Variants in MEGF8 observed in about 807,000 individuals in gnomAD.
The protein encoded by MEGF8 is multiple epidermal growth factor-like domains protein 8.
MEGF8 carries 156 observed loss-of-function variants against 302.9 expected under a neutral mutation model. That is an observed-to-expected ratio of 0.52 (90% CI 0.45 to 0.59). The LOEUF (loss-of-function observed/expected upper bound fraction) is 0.59. Ranked by LOEUF, MEGF8 falls within the 20% of genes least tolerant of loss-of-function variation. The pLI is 0.00. For synonymous variants in MEGF8, 1,621 were observed against 1,660.5 expected (o/e 0.98, Z 0.58); for missense variants, 3,345 against 3,964.5 (o/e 0.84, Z 4.20).
Position 42,370,364 on chromosome 19 carries a change from AAG to A in MEGF8, c.7005+10_7005+11del. 6.4e-7 allele frequency: 1 copy of A among 1,563,782 alleles called. No individual in the cohort carries two copies. Among genetic ancestry groups the A allele is most frequent in the Non-Finnish European group, 8.7e-7 (1 of 1,154,278 alleles). On this transcript the variant is annotated splice_donor_region_variant and intron_variant, in intron 39 of 41. Coordinates refer to ENST00000251268, the MANE Select transcript of MEGF8 (RefSeq NM_001271938.2). ...TACTCACTGGACCCAGAGGAGGTGAAAGAGAGGGGTCAGATGCCTGGGTCTGA... is the reference window on the plus strand; with the variant it reads ...TACTCACTGGACCCAGAGGAGGTGAAAGAGGGGTCAGATGCCTGGGTCTGA...
Position 42,369,133 on chromosome 19 carries a change from G to C in MEGF8, c.6641+131G>C, listed in dbSNP as rs1242145871. ...CTCGAGGCATGAAGGCAGTGGGATT[G>C]ATTCCTGAAGGTCAAGAGTGGTGAG... On this transcript the variant is annotated intron_variant, in intron 37 of 41. Transcript: ENST00000251268. The surrounding 1 kb of genome is among the most constrained non-coding windows in gnomAD (Gnocchi z 5.7). The C allele has an allele frequency of 5.7e-6, 7 of 1,226,354 alleles. No homozygotes were observed. In the African/African-American group the frequency reaches 1.1e-4, roughly 19 times the overall value. The allele number at this position is 1,226,354 out of a possible 1,614,324, so 76.0% of individuals were successfully genotyped here. A position where few individuals can be genotyped will look rare whatever the true frequency, so the allele number is the denominator to read the frequency against.
chr19:42,341,567 G>A (rs1000323476), intron 8 of MEGF8, among the ~76,000 whole-genome samples: 3 of 151,764 alleles, frequency 2.0e-5, no homozygotes, highest in African/African-American at 7.3e-5. Context: ...CTCCCAAATA[G>A]CTGTGACCAT....
At chr19:42,330,515 G>A (rs1466140590) in intron 1 of MEGF8, among the ~76,000 whole-genome samples, 1 of 152,218 alleles carries the variant, frequency 6.6e-6, no homozygotes, top group Non-Finnish European at 1.5e-5. Context: ...ATTCCCCAAA[G>A]CATGGGTGGG....
chr19:42,343,699 G>A, intron 9 of MEGF8, 68 bp downstream of exon 9: 3 of 1,496,800 alleles, frequency 2.0e-6, no homozygotes, highest in Middle Eastern at 2.3e-4. Context: ...ACAGGTGAGG[G>A]GAAAGGCAGG....
At chr19:42,329,774 A>T (rs1025151485) in intron 1 of MEGF8, among the ~76,000 whole-genome samples, 1 of 150,554 alleles carries the variant, frequency 6.6e-6, no homozygotes, top group South Asian at 2.1e-4. Flanking sequence ...GGCGAGGCTG[A>T]GGTGGGCAGA....
At chr19:42,373,240 G>A (rs851294) in intron 41 of MEGF8, among the ~76,000 whole-genome samples, 13,759 of 151,074 alleles carry the variant, frequency 0.091, 838 homozygotes, top group South Asian at 0.16. Context: ...CTACAGGCAC[G>A]TACCACCACC....
At position 42,371,517 on chromosome 19, in the gene MEGF8, C is replaced by T. The variant is rs761088596; in HGVS notation, c.7269+35C>T. 11 of 1,612,760 alleles carry T rather than the reference C, an allele frequency of 6.8e-6. No individual in the cohort carries two copies. The Admixed American group carries it at 1.2e-4, about 17-fold the overall frequency. On this transcript the variant is annotated intron_variant, in intron 41 of 41. Transcript: ENST00000251268. ...CAGAAGCTAGTGGTGGGCCGAGGGC[C>T]CTACACCTTGTGGAGGTCAGGGCTG...
chr19:42,334,081 C>G lies in MEGF8; in HGVS notation c.426C>G (p.Cys142Trp). Residue 142 changes from cysteine to tryptophan, a missense_variant, in exon 3 of 42, where the codon TGC (cysteine) becomes TGG (tryptophan). By Grantham distance (215) the Cys-to-Trp change is radical. Coordinates refer to ENST00000251268, the MANE Select transcript of MEGF8 (RefSeq NM_001271938.2). Reference sequence around the variant, plus strand: ...ACGCCTCATTCCGCTTCTCCCTGTGCCCGGGTGGCTGCCAGAGCCACGGGC... The same window carrying G: ...ACGCCTCATTCCGCTTCTCCCTGTGGCCGGGTGGCTGCCAGAGCCACGGGC... ...GFNASFRFSLCPGGCQSHGQC... is the reference protein window; with the variant it reads ...GFNASFRFSLWPGGCQSHGQC... The G allele has an allele frequency of 6.2e-7, 1 of 1,613,672 alleles. No individual in the cohort carries two copies. Among genetic ancestry groups the G allele is most frequent in the Non-Finnish European group, 8.5e-7 (1 of 1,179,836 alleles).
At position 42,376,967 on chromosome 19, in the gene MEGF8, G is replaced by A; in HGVS notation, c.*192G>A. ...ATTTATCGAGTACCTACTCTGTCAG[G>A]CACTGTCATAGGCGTGGGGCAAAGC... is the stretch of plus-strand genomic sequence containing the variant. On this transcript the variant is annotated 3_prime_UTR_variant, in exon 42 of 42. Coordinates refer to ENST00000251268, the MANE Select transcript of MEGF8 (RefSeq NM_001271938.2). The surrounding 1 kb of genome is among the most constrained non-coding windows in gnomAD (Gnocchi z 8.2). 1 of 563,112 alleles carries A rather than the reference G, an allele frequency of 1.8e-6. No homozygotes were observed. Among genetic ancestry groups the A allele is most frequent in the Non-Finnish European group, 2.8e-6 (1 of 352,026 alleles). The allele number at this position is 563,112 out of a possible 1,614,324, so 34.9% of individuals were successfully genotyped here.
chr19:42,347,614 T>C (rs964630441), intron 12 of MEGF8, among the ~76,000 whole-genome samples: 1 of 152,084 alleles, frequency 6.6e-6, no homozygotes, highest in African/African-American at 2.4e-5. Context: ...TGCCTCAGGC[T>C]CCCAAGTAGC....
chr19:42,369,480 A>G lies in MEGF8; in HGVS notation c.6642-51A>G. 6.4e-7 allele frequency: 1 copy of G among 1,562,600 alleles called. No individual in the cohort carries two copies. The highest frequency in any genetic ancestry group is 8.7e-7 in the Non-Finnish European group (1 of 1,155,170). ...GTAGTTGGTTGGGTGCTAGGCCATG[A>G]AGCCACGAGGAGGGTGGCCACCTGC... On this transcript the variant is annotated intron_variant, in intron 37 of 41. Transcript: ENST00000251268. This position sits in a 1 kb window ranked among gnomAD's most constrained non-coding sequence, Gnocchi z 5.7.
chr19:42,358,738 G>C lies in MEGF8; in HGVS notation c.5176-49G>C. Reference sequence around the variant, plus strand: ...CCGTCTTGGAGGCAGGGGGCTAGAAGCAAGAGACTCGAGGAGCCTCAACCC... The same window carrying C: ...CCGTCTTGGAGGCAGGGGGCTAGAACCAAGAGACTCGAGGAGCCTCAACCC... On this transcript the variant is annotated intron_variant, in intron 29 of 41. Transcript: ENST00000251268. This position sits in a 1 kb window ranked among gnomAD's most constrained non-coding sequence, Gnocchi z 4.4. The C allele has an allele frequency of 1.4e-6, 2 of 1,468,878 alleles. No homozygotes were observed. The highest frequency in any genetic ancestry group is 1.8e-6 in the Non-Finnish European group (2 of 1,109,296). The allele number at this position is 1,468,878 out of a possible 1,614,324, so 91.0% of individuals were successfully genotyped here. A position where few individuals can be genotyped will look rare whatever the true frequency, so the allele number is the denominator to read the frequency against.
In MEGF8 at chr19:42,354,549, C is replaced by A; in HGVS notation, c.4012-39C>A. 1 of 1,587,958 alleles carries A rather than the reference C, an allele frequency of 6.3e-7. No homozygotes were observed. The highest frequency in any genetic ancestry group is 8.6e-7 in the Non-Finnish European group (1 of 1,162,886). On this transcript the variant is annotated intron_variant, in intron 22 of 41. Transcript: ENST00000251268. This position sits in a 1 kb window ranked among gnomAD's most constrained non-coding sequence, Gnocchi z 4.3. Reference sequence around the variant, plus strand: ...CCCAGACCCCAGGTGTCGTTCTCATCCTCATTGTCTCCTAATCCTCGATTC... The same window carrying A: ...CCCAGACCCCAGGTGTCGTTCTCATACTCATTGTCTCCTAATCCTCGATTC...
At position 42,375,221 on chromosome 19, in the gene MEGF8, C is replaced by T. The variant is rs943032805; in HGVS notation, c.7270-286C>T. Among the ~76,000 whole-genome samples, 4 of 152,190 alleles carry T rather than the reference C, an allele frequency of 2.6e-5. No homozygotes were observed. The highest frequency in any genetic ancestry group is 4.1e-4 in the South Asian group (2 of 4,832). ...AGGAGGTAGAGCCAGAATGCAGCCG[C>T]GTTCTTCACTGCTGTGCCTCAGAGT... On this transcript the variant is annotated intron_variant, in intron 41 of 41. Transcript: ENST00000251268. This position sits in a 1 kb window ranked among gnomAD's most constrained non-coding sequence, Gnocchi z 7.1.
In MEGF8 at chr19:42,353,010, C is replaced by T. The variant is rs115335139; in HGVS notation, c.3433C>T (p.Leu1145=). The change falls in exon 20 of 42, where the codon CTG becomes TTG. Residue 1145 remains leucine, a synonymous_variant. Transcript: ENST00000251268. The surrounding 1 kb of genome is among the most constrained non-coding windows in gnomAD (Gnocchi z 6.1). ...CVCDLGWTSD[L]PPPTPAPGPP... Reference sequence around the variant, plus strand: ...GTGTGACCTAGGCTGGACATCAGACCTGCCCCCTCCCACACCCGCCCCGGG... The same window carrying T: ...GTGTGACCTAGGCTGGACATCAGACTTGCCCCCTCCCACACCCGCCCCGGG... 2.3e-3 allele frequency: 3,686 copies of T among 1,572,338 alleles called. 72 individuals carry two copies. The African/African-American group carries it at 0.043, about 18-fold the overall frequency.
In MEGF8 at chr19:42,344,663, T is replaced by C. The variant is rs1206044; in HGVS notation, c.1934-7T>C. ...GACCCACCGGCCCCCACCCCCTGTC[T>C]TCTCAGAGCAGGCCCGCTGCCGAGG... On this transcript the variant is annotated splice_region_variant and splice_polypyrimidine_tract_variant and intron_variant, in intron 11 of 41. Coordinates refer to ENST00000251268, the MANE Select transcript of MEGF8 (RefSeq NM_001271938.2). This position sits in a 1 kb window ranked among gnomAD's most constrained non-coding sequence, Gnocchi z 4.5. 0.065 allele frequency: 101,453 copies of C among 1,564,186 alleles called. 4,412 individuals carry two copies. Among genetic ancestry groups the C allele is most frequent in the Middle Eastern group, 0.18 (1,016 of 5,606 alleles).
chr19:42,334,035 A>T lies in MEGF8; in HGVS notation c.380A>T (p.Asn127Ile). The change falls in exon 3 of 42, where the codon AAC becomes ATC. Residue 127 changes from asparagine (N) to isoleucine (I), a missense_variant. Physicochemically the swap from Asn to Ile is moderately radical, Grantham distance 149. Transcript: ENST00000251268. ...KMLLHLFSDANYNLLGFNASF... is the reference protein window; with the variant it reads ...KMLLHLFSDAIYNLLGFNASF... ...CTGCTGCACCTCTTCAGTGATGCCA[A>T]CTACAACCTGCTGGGCTTTAACGCC... is the stretch of plus-strand genomic sequence containing the variant. 6.2e-7 allele frequency: 1 copy of T among 1,613,804 alleles called. No individual in the cohort carries two copies. Among genetic ancestry groups the T allele is most frequent in the Non-Finnish European group, 8.5e-7 (1 of 1,179,842 alleles).
rs760451604 is a variant in MEGF8 at position 42,354,649 on chromosome 19, C to T, written c.4073C>T (p.Ser1358Leu). ...TTCCTGGACACTGGTGTTGTCCAGT[C>T]GGACCGCAGCCTCATAGCTGCCTTC... The part of the protein sequence containing the change: ...PRFLDTGVVQ[S>L]DRSLIAAFCG... Residue 1358 changes from serine (S) to leucine (L), a missense_variant, in exon 23 of 42, where the codon TCG becomes TTG. Physicochemically the swap from Ser to Leu is moderately radical, Grantham distance 145 (BLOSUM62 -2). Transcript: ENST00000251268. This position sits in a 1 kb window ranked among gnomAD's most constrained non-coding sequence, Gnocchi z 4.3. 1.6e-5 allele frequency: 26 copies of T among 1,612,652 alleles called. No homozygotes were observed. In the South Asian group the frequency reaches 2.0e-4, roughly 12 times the overall value.
chr19:42,370,413 C>T, intron 39 of MEGF8, 54 bp downstream of exon 39: 10 of 1,460,486 alleles, frequency 6.8e-6, no homozygotes, highest in Non-Finnish European at 9.3e-6. Context: ...CTGGGGAGCT[C>T]CTGGGTCTGA....
Sources: allele counts gnomAD v4.1 joint callset (sites outside exome capture counted in the v4.1 genomes callset), GRCh38; gene constraint gnomAD v4.1.1; non-coding constraint Gnocchi (gnomAD v3.1); transcripts MANE v1.5; gene names NCBI Gene and HGNC (gene_info 2026-07-23, HGNC 2026-07-21).